RORB: variants seen among roughly 807,000 people sequenced by gnomAD.
The protein encoded by RORB is nuclear receptor ROR-beta.
In RORB, 6 loss-of-function variants were observed where a neutral mutation model predicts 59.1. The ratio of observed to expected loss-of-function variants is 0.10; its 90% CI spans 0.06 to 0.20. The LOEUF (loss-of-function observed/expected upper bound fraction) is 0.20. Among genes scored for constraint, RORB ranks in the 10% least tolerant of loss-of-function variants. The probability of loss-of-function intolerance (pLI) is 1.00; values close to 1 mark genes in which losing one functional copy is unlikely to be tolerated. For synonymous variants in RORB, 215 were observed against 204.5 expected, an observed-to-expected ratio of 1.05 and a Z score of -0.44; for missense variants, 320 against 560.5, an observed-to-expected ratio of 0.57 and a Z score of 4.33.
At chr9:74,631,378 A>G (rs183292984) in intron 2 of RORB, among the ~76,000 whole-genome samples, 2 of 152,354 alleles carry the variant, frequency 1.3e-5, no homozygotes, top group Admixed American at 1.3e-4. Flanking sequence ...AAGAGCAATT[A>G]TATTTTTGAT....
chr9:74,587,873 GA>G (rs1158274613), intron 1 of RORB, among the ~76,000 whole-genome samples: 1 of 152,208 alleles, frequency 6.6e-6, no homozygotes, highest in Non-Finnish European at 1.5e-5. Flanking sequence ...GGCACTACCG[GA>G]AAGTGTGGAC....
At position 74,617,055 on chromosome 9, in the gene RORB, A is replaced by T. The variant is rs1435480114; in HGVS notation, c.8-13227A>T. 5.3e-5 allele frequency among the ~76,000 whole-genome samples: 8 copies of T among 150,132 alleles called. No homozygotes were observed. The Admixed American group carries it at 5.4e-4, about 10-fold the overall frequency. ...GGCTTAGTAATTCCTAGTTTTCAGT[A>T]ATGTCTTTCTCGTCTAATATTCCCA... is the stretch of plus-strand genomic sequence containing the variant. On this transcript the variant is annotated intron_variant, in intron 1 of 9. Transcript: ENST00000376896.
chr9:74,685,446 GT>G lies in RORB; in HGVS notation c.1225-16del. On this transcript the variant is annotated splice_polypyrimidine_tract_variant and intron_variant, in intron 9 of 9. Transcript: ENST00000376896. ...AGCTTCCCTCTCTATCTCCCTCTCT[GT>G]CTCTCCGTTCTGCAGTTAATAGCCA... The G allele has an allele frequency of 1.3e-6, 2 of 1,594,632 alleles. No homozygotes were observed. Among genetic ancestry groups the G allele is most frequent in the South Asian group, 2.3e-5 (2 of 88,428 alleles).
chr9:74,673,356 G>GA lies in RORB; in HGVS notation c.1224+1461dup, dbSNP rs766139408. Among the ~76,000 whole-genome samples, 57 of 152,178 alleles carry GA rather than the reference G, an allele frequency of 3.7e-4. 1 individual carries two copies. The South Asian group carries it at 7.9e-3, about 21-fold the overall frequency. ...TATTTACCATCCTAAAATTAGTCTT[G>GA]AAAAAACACAAAGTTGGATGAAAAT... is the stretch of plus-strand genomic sequence containing the variant. On this transcript the variant is annotated intron_variant, in intron 9 of 9. Coordinates refer to ENST00000376896, the MANE Select transcript of RORB (RefSeq NM_006914.4).
At chr9:74,594,110 G>T (rs893954061) in intron 1 of RORB, among the ~76,000 whole-genome samples, 3 of 152,152 alleles carry the variant, frequency 2.0e-5, no homozygotes, top group Admixed American at 6.5e-5. Flanking sequence ...TAAAATTCTG[G>T]ATGGCTGAGA....
intron 1 of RORB, among the ~76,000 whole-genome samples, chr9:74,607,837 CTGATA>C (rs1263702530): frequency 1.3e-5 from 2 of 152,144 alleles, no homozygotes; most frequent in African/African-American, 4.8e-5. Flanking sequence ...CATAGCATTT[CTGATA>C]CTATACTGTT....
chr9:74,512,684 T>C (rs1425412546), intron 1 of RORB, among the ~76,000 whole-genome samples: 1 of 152,182 alleles, frequency 6.6e-6, no homozygotes, highest in Admixed American at 6.5e-5. Context: ...ATGCCCATAA[T>C]GCTGAGATTG....
chr9:74,597,800 A>T (rs1822992626), intron 1 of RORB, among the ~76,000 whole-genome samples: 1 of 152,074 alleles, frequency 6.6e-6, no homozygotes, highest in African/African-American at 2.4e-5. Flanking sequence ...CTCTACTAAA[A>T]ATACAAAATT....
chr9:74,563,184 CTT>C (rs766404071), intron 1 of RORB, among the ~76,000 whole-genome samples: 39 of 127,080 alleles, frequency 3.1e-4, no homozygotes, highest in Admixed American at 2.4e-4. Flanking sequence ...TCTCTTCAGT[CTT>C]TTTTTTTTTT....
chr9:74,641,730 G>GC (rs1563961730), intron 3 of RORB, among the ~76,000 whole-genome samples: 1 of 151,162 alleles, frequency 6.6e-6, no homozygotes, highest in Admixed American at 6.6e-5. Context: ...GCAAGGCCCC[G>GC]GCTCTACAAA....
At chr9:74,682,767 T>C (rs1824568085) in intron 9 of RORB, among the ~76,000 whole-genome samples, 1 of 152,184 alleles carries the variant, frequency 6.6e-6, no homozygotes, top group Admixed American at 6.5e-5. Context: ...TTTTTAAGAA[T>C]TTTCTTAAGA....
At chr9:74,509,701 C>T (rs969077352) in intron 1 of RORB, among the ~76,000 whole-genome samples, 3 of 151,968 alleles carry the variant, frequency 2.0e-5, no homozygotes, top group African/African-American at 7.2e-5. Context: ...TTAATTTTGT[C>T]TGATTGACTG....
At chr9:74,523,005 A>G (rs1419673681) in intron 1 of RORB, among the ~76,000 whole-genome samples, 4 of 151,904 alleles carry the variant, frequency 2.6e-5, no homozygotes, top group Non-Finnish European at 5.9e-5. Flanking sequence ...AACAAGCAGT[A>G]AACATTTGGT....
At chr9:74,635,133 G>A (rs1168458267) in intron 3 of RORB, among the ~76,000 whole-genome samples, 1 of 152,144 alleles carries the variant, frequency 6.6e-6, no homozygotes, top group East Asian at 1.9e-4. Flanking sequence ...AAGCAAACCA[G>A]GACCACATCT....
intron 9 of RORB, among the ~76,000 whole-genome samples, chr9:74,672,606 A>C (rs1824367399): frequency 6.6e-6 from 1 of 152,224 alleles, no homozygotes; most frequent in Non-Finnish European, 1.5e-5. Context: ...CTTTAATAAG[A>C]GTACTGAAAA....
intron 1 of RORB, among the ~76,000 whole-genome samples, chr9:74,606,873 C>T (rs1216137369): frequency 2.0e-5 from 3 of 152,184 alleles, no homozygotes; most frequent in Non-Finnish European, 4.4e-5. Flanking sequence ...CAAACCTACA[C>T]ATCTAGGGTT....
chr9:74,603,770 G>C (rs747196594), intron 1 of RORB, among the ~76,000 whole-genome samples: 1 of 152,134 alleles, frequency 6.6e-6, no homozygotes, highest in Non-Finnish European at 1.5e-5. Context: ...CTCTACCAAG[G>C]GTTCAGGCTG....
intron 4 of RORB, among the ~76,000 whole-genome samples, chr9:74,652,232 C>T (rs569374806): frequency 3.5e-4 from 54 of 152,286 alleles, no homozygotes; most frequent in Non-Finnish European, 6.2e-4. Context: ...CATGGTGAAA[C>T]TTCATCTCTA....
At chr9:74,571,967 C>T (rs1201731375) in intron 1 of RORB, among the ~76,000 whole-genome samples, 1 of 152,124 alleles carries the variant, frequency 6.6e-6, no homozygotes, top group African/African-American at 2.4e-5. Flanking sequence ...TACCTGGTTT[C>T]TGCATAACAT....
Sources: allele counts gnomAD v4.1 joint callset (sites outside exome capture counted in the v4.1 genomes callset), GRCh38; gene constraint gnomAD v4.1.1; transcripts MANE v1.5; gene names NCBI Gene and HGNC (gene_info 2026-07-23, HGNC 2026-07-21).